CHRNA7: variants seen among roughly 807,000 people sequenced by gnomAD.
CHRNA7 encodes the protein neuronal acetylcholine receptor subunit alpha-7.
A neutral mutation model predicts 48.0 loss-of-function variants in CHRNA7; 17 were observed. The observed-to-expected ratio is 0.35, with a 90% CI of 0.24 to 0.53. The LOEUF (loss-of-function observed/expected upper bound fraction) is 0.53, where lower values mean the gene tolerates loss of function less well. Ranked by LOEUF, CHRNA7 falls within the 20% of genes least tolerant of loss-of-function variation. The pLI is 0.92. For synonymous variants in CHRNA7, 75 were observed against 242.3 expected (o/e 0.31, Z 6.41); for missense variants, 155 against 577.7 (o/e 0.27, Z 7.50).
intron 3 of CHRNA7, among the ~76,000 whole-genome samples, chr15:32,106,629 A>G (rs986761076): frequency 1.3e-5 from 2 of 152,184 alleles, no homozygotes; most frequent in East Asian, 3.9e-4. Context: ...ATCTGATTTA[A>G]TCTATGAGAA....
At chr15:32,115,423 C>T (rs1240174782) in intron 4 of CHRNA7, among the ~76,000 whole-genome samples, 2 of 152,064 alleles carry the variant, frequency 1.3e-5, no homozygotes, top group African/African-American at 2.4e-5. Flanking sequence ...TCTGCCCCCC[C>T]TTGCTGGCTG....
chr15:32,104,995 A>G (rs2050638763), intron 3 of CHRNA7, among the ~76,000 whole-genome samples: 1 of 152,234 alleles, frequency 6.6e-6, no homozygotes, highest in South Asian at 2.1e-4. Context: ...TTTTATTTAA[A>G]GGATGGTGGT....
intron 9 of CHRNA7, chr15:32,166,366 T>A (rs1746262372): frequency 1.3e-5 from 2 of 152,322 alleles, no homozygotes. Flanking sequence ...TAAAAAACCC[T>A]CCAAGGTCAG....
intron 3 of CHRNA7, among the ~76,000 whole-genome samples, chr15:32,103,424 A>AAAG (rs1555381849): frequency 6.6e-6 from 1 of 151,216 alleles, no homozygotes; most frequent in Non-Finnish European, 1.5e-5. Flanking sequence ...AAAAAAAAAA[A>AAAG]AAGAAAGAAA....
chr15:32,141,566 C>T (rs2051379336), intron 4 of CHRNA7, among the ~76,000 whole-genome samples: 1 of 152,172 alleles, frequency 6.6e-6, no homozygotes, highest in South Asian at 2.1e-4. Context: ...ATGGAATGCT[C>T]TTCCATTTGT....
intron 4 of CHRNA7, among the ~76,000 whole-genome samples, chr15:32,126,208 AAGCAGAAC>A (rs1238106977): frequency 1.3e-5 from 2 of 152,176 alleles, no homozygotes; most frequent in Admixed American, 6.5e-5. Context: ...TGTTCTTAGT[AAGCAGAAC>A]GTAGTATGGA....
intron 4 of CHRNA7, among the ~76,000 whole-genome samples, chr15:32,151,179 A>C (rs539759847): frequency 6.6e-6 from 1 of 152,170 alleles, no homozygotes; most frequent in East Asian, 1.9e-4. Context: ...CTGTGTCCTT[A>C]ATCAAGTCCA....
At chr15:32,134,734 G>T (rs908352906) in intron 4 of CHRNA7, among the ~76,000 whole-genome samples, 3 of 152,064 alleles carry the variant, frequency 2.0e-5, no homozygotes, top group Non-Finnish European at 4.4e-5. Context: ...TTACACTCAA[G>T]TAAGAATTAA....
intron 2 of CHRNA7, among the ~76,000 whole-genome samples, chr15:32,070,280 C>G (rs1323436088): frequency 6.6e-6 from 1 of 152,212 alleles, no homozygotes. Context: ...AACCTCCAGG[C>G]AACCACTAAT....
At position 32,089,437 on chromosome 15, in the gene CHRNA7, T is replaced by C. The variant is rs531283714; in HGVS notation, c.196-11866T>C. 4.6e-5 allele frequency among the ~76,000 whole-genome samples: 7 copies of C among 152,322 alleles called. No homozygotes were observed. In the East Asian group the frequency reaches 1.3e-3, roughly 29 times the overall value. On this transcript the variant is annotated intron_variant, in intron 2 of 9. Coordinates refer to ENST00000306901, the MANE Select transcript of CHRNA7 (RefSeq NM_000746.6). ...CAAACGCTTTCTTTCTTTTTTCTTT[T>C]GAAACTTTACAAGGCTTAAATTTCA... is the stretch of plus-strand genomic sequence containing the variant.
chr15:32,134,158 G>T lies in CHRNA7; in HGVS notation c.351-19749G>T, dbSNP rs147578455. 1.6e-3 allele frequency among the ~76,000 whole-genome samples: 235 copies of T among 151,178 alleles called. 1 individual carries two copies. Among genetic ancestry groups the T allele is most frequent in the South Asian group, 5.6e-3 (27 of 4,780 alleles). ...CCTGTGACTACATGTGGGTTTTTTTGTGTGTTTTTTTTTTTTCTGAGACTG... is the reference window on the plus strand; with the variant it reads ...CCTGTGACTACATGTGGGTTTTTTTTTGTGTTTTTTTTTTTTCTGAGACTG... On this transcript the variant is annotated intron_variant, in intron 4 of 9. Coordinates refer to ENST00000306901, the MANE Select transcript of CHRNA7 (RefSeq NM_000746.6).
intron 2 of CHRNA7, among the ~76,000 whole-genome samples, chr15:32,073,145 A>C (rs1487770278): frequency 1.3e-5 from 2 of 152,226 alleles, no homozygotes; most frequent in Non-Finnish European, 2.9e-5. Context: ...CCAAAGCCAC[A>C]GGGTCAGAGC....
At chr15:32,082,004 T>A (rs2050223646) in intron 2 of CHRNA7, among the ~76,000 whole-genome samples, 1 of 152,210 alleles carries the variant, frequency 6.6e-6, no homozygotes, top group Non-Finnish European at 1.5e-5. Context: ...GTGATCTTTT[T>A]TTCAGCATTT....
chr15:32,097,466 G>A (rs978442503), intron 2 of CHRNA7, among the ~76,000 whole-genome samples: 11 of 152,196 alleles, frequency 7.2e-5, no homozygotes, highest in Non-Finnish European at 7.4e-5. Context: ...TCCACCATGC[G>A]AGGACACAGT....
chr15:32,083,478 G>A (rs2050247646), intron 2 of CHRNA7, among the ~76,000 whole-genome samples: 1 of 152,124 alleles, frequency 6.6e-6, no homozygotes, highest in African/African-American at 2.4e-5. Context: ...AACAGACCAA[G>A]ACACTTTATC....
chr15:32,125,063 T>C (rs1434748003), intron 4 of CHRNA7, among the ~76,000 whole-genome samples: 1 of 152,174 alleles, frequency 6.6e-6, no homozygotes, highest in Non-Finnish European at 1.5e-5. Flanking sequence ...CGGAGCCCTA[T>C]GACAGCAAGT....
chr15:32,084,482 A>G (rs935496929), intron 2 of CHRNA7, among the ~76,000 whole-genome samples: 2 of 152,256 alleles, frequency 1.3e-5, no homozygotes, highest in South Asian at 4.1e-4. Flanking sequence ...CACTTTGGGC[A>G]AAGAGCAGAG....
At chr15:32,066,774 A>C (rs1369801453) in intron 2 of CHRNA7, among the ~76,000 whole-genome samples, 1 of 152,236 alleles carries the variant, frequency 6.6e-6, no homozygotes, top group Non-Finnish European at 1.5e-5. Context: ...TCAATGCAGT[A>C]AACACTGTCT....
chr15:32,068,054 G>C (rs1309331523), intron 2 of CHRNA7, among the ~76,000 whole-genome samples: 1 of 152,176 alleles, frequency 6.6e-6, no homozygotes, highest in Non-Finnish European at 1.5e-5. Context: ...GTTCACACCT[G>C]TATTTTAAGC....
Sources: gnomAD v4.1 joint callset for allele counts (sites outside exome capture counted in the v4.1 genomes callset) on GRCh38, gnomAD v4.1.1 for gene constraint, MANE v1.5 for transcripts, NCBI Gene and HGNC (gene_info 2026-07-23, HGNC 2026-07-21) for gene names.